POTEE: variants seen among roughly 807,000 people sequenced by gnomAD.
POTEE encodes the protein ANKRD26-like family C member 1A.
In POTEE, 21 loss-of-function variants were observed where a neutral mutation model predicts 74.2. That is an observed-to-expected ratio of 0.28 (90% CI 0.20 to 0.41). The LOEUF is 0.41. Ranked by LOEUF, POTEE falls within the 10% of genes least tolerant of loss-of-function variation. POTEE has a pLI of 1.00. For synonymous variants in POTEE, 211 were observed against 432.8 expected (o/e 0.49, Z 6.36); for missense variants, 525 against 1,158.6 (o/e 0.45, Z 7.94).
chr2:131,233,919 G>A (rs1279890888), intron 9 of POTEE, among the ~76,000 whole-genome samples: 1 of 150,928 alleles, frequency 6.6e-6, no homozygotes, highest in Non-Finnish European at 1.5e-5. Flanking sequence ...GAAGAGCAAA[G>A]AGCAGCAGGT....
chr2:131,218,279 T>C (rs1380671613), intron 3 of POTEE, 31 bp from the exon 4 acceptor site: 6 of 1,559,684 alleles, frequency 3.8e-6, no homozygotes, highest in Non-Finnish European at 5.2e-6. Flanking sequence ...TTGGCAGGTT[T>C]TGGCTGGGAT....
intron 16 of POTEE, among the ~76,000 whole-genome samples, chr2:131,258,643 A>G (rs1284648065): frequency 1.3e-5 from 2 of 151,022 alleles, no homozygotes; most frequent in Non-Finnish European, 3.0e-5. Context: ...TTTTGACTGA[A>G]TAGGTTAAAA....
chr2:131,232,799 G>C (rs1369844693), intron 9 of POTEE, among the ~76,000 whole-genome samples: 1 of 151,816 alleles, frequency 6.6e-6, no homozygotes, highest in Non-Finnish European at 1.5e-5. Context: ...TTCATGGTTG[G>C]CTAATCCGCA....
chr2:131,217,828 C>T lies in POTEE; in HGVS notation c.-94+145C>T, dbSNP rs1334121409. 2.7e-5 allele frequency among the ~76,000 whole-genome samples: 4 copies of T among 150,704 alleles called. No homozygotes were observed. The South Asian group carries it at 8.3e-4, about 31-fold the overall frequency. On this transcript the variant is annotated intron_variant, in intron 3 of 17. Coordinates refer to ENST00000683005, the MANE Select transcript of POTEE (RefSeq NM_001083538.3). ...GCTTGCTGGCTTGTAACGGCTTGCACGCGCACGCCGCACGCGCATAACGGT... is the reference window on the plus strand; with the variant it reads ...GCTTGCTGGCTTGTAACGGCTTGCATGCGCACGCCGCACGCGCATAACGGT...
chr2:131,218,211 C>T (rs1217718933), intron 3 of POTEE, 99 bp from the exon 4 acceptor site: 10 of 803,476 alleles, frequency 1.2e-5, no homozygotes, highest in South Asian at 1.9e-5. Flanking sequence ...GGGCTTTCCT[C>T]GGGTGGGTGT....
chr2:131,221,463 CTTTCTCT>C, intron 4 of POTEE, among the ~76,000 whole-genome samples: 1 of 152,146 alleles, frequency 6.6e-6, no homozygotes, highest in Middle Eastern at 3.4e-3. Context: ...AAGTTTTTCC[CTTTCTCT>C]TATCTGTGAT....
At chr2:131,255,565 G>GTTTTTTTTTTTTT (rs752323540) in intron 16 of POTEE, among the ~76,000 whole-genome samples, 2 of 13,604 alleles carry the variant, frequency 1.5e-4, no homozygotes, top group African/African-American at 4.6e-4. Flanking sequence ...CTTTCTCATA[G>GTTTTTTTTTTTTT]TTTTTTTTTT....
intron 4 of POTEE, among the ~76,000 whole-genome samples, chr2:131,219,769 A>G (rs949706327): frequency 2.6e-5 from 4 of 151,750 alleles, no homozygotes; most frequent in Admixed American, 6.6e-5. Flanking sequence ...AGCTTTTTCT[A>G]TTTATCACTT....
chr2:131,226,552 T>C (rs1700785713), intron 6 of POTEE, among the ~76,000 whole-genome samples: 2 of 146,042 alleles, frequency 1.4e-5, no homozygotes, highest in African/African-American at 5.2e-5. Flanking sequence ...CCATGCCAAA[T>C]GCTGGTTTAG....
chr2:131,263,591 C>G lies in POTEE; in HGVS notation c.2136C>G (p.Asn712Lys). 1 of 1,601,978 alleles carries G rather than the reference C, an allele frequency of 6.2e-7. No individual in the cohort carries two copies. The change falls in exon 18 of 18, where the codon AAC (asparagine) becomes AAG (lysine). Residue 712 changes from asparagine to lysine, a missense_variant. Transcript: ENST00000683005. Reference sequence around the variant, plus strand: ...ATACCGCCGTGCTCGTCATTGACAACGGCTCTGGCATGTGCAAGGCCGGCT... The same window carrying G: ...ATACCGCCGTGCTCGTCATTGACAAGGGCTCTGGCATGTGCAAGGCCGGCT... ...DDDTAVLVID[N>K]GSGMCKAGFA... is the part of the protein sequence containing the mutation.
At chr2:131,219,820 T>A (rs1327067104) in intron 4 of POTEE, among the ~76,000 whole-genome samples, 3 of 152,140 alleles carry the variant, frequency 2.0e-5, no homozygotes, top group Admixed American at 6.5e-5. Flanking sequence ...TTAGCGTTTT[T>A]AAATTACACA....
rs1466086068 is a variant in POTEE at position 131,218,758 on chromosome 2, C to T, written c.356C>T (p.Ala119Val). 3.1e-6 allele frequency: 5 copies of T among 1,612,892 alleles called. No individual in the cohort carries two copies. The highest frequency in any genetic ancestry group is 1.9e-4 in the Middle Eastern group (1 of 5,378). Residue 119 changes from alanine (A) to valine (V), a missense_variant, in exon 4 of 18, where the codon GCT (alanine) becomes GTT (valine). Coordinates refer to ENST00000683005, the MANE Select transcript of POTEE (RefSeq NM_001083538.3). Reference sequence around the variant, plus strand: ...GGGAGCGGCAAGAGCAAGGTGGGCGCTTGGGGAGACTACGATGACAGCGCC... The same window carrying T: ...GGGAGCGGCAAGAGCAAGGTGGGCGTTTGGGGAGACTACGATGACAGCGCC... ...CRGSGKSKVG[A>V]WGDYDDSAFM...
chr2:131,221,706 C>T (rs1158694375), intron 4 of POTEE, among the ~76,000 whole-genome samples: 1 of 152,152 alleles, frequency 6.6e-6, no homozygotes. Context: ...CATTTTATTA[C>T]ATAATTATCT....
chr2:131,218,298 C>A lies in POTEE; in HGVS notation c.-93-12C>A. 6.3e-7 allele frequency: 1 copy of A among 1,580,896 alleles called. No individual in the cohort carries two copies. Among genetic ancestry groups the A allele is most frequent in the South Asian group, 1.2e-5 (1 of 83,844 alleles). ...CAGGTTTTGGCTGGGATTGACATTT[C>A]TCTTCAAACAGATTGGAAACCCGGA... On this transcript the variant is annotated splice_polypyrimidine_tract_variant and intron_variant, in intron 3 of 17. Coordinates refer to ENST00000683005, the MANE Select transcript of POTEE (RefSeq NM_001083538.3).
intron 6 of POTEE, among the ~76,000 whole-genome samples, chr2:131,224,923 G>T (rs6430645): frequency 0.038 from 5,730 of 151,440 alleles, 379 homozygotes; most frequent in African/African-American, 0.13. Context: ...GATGGGAAGG[G>T]GGAAGATAAA....
intron 1 of POTEE, among the ~76,000 whole-genome samples, chr2:131,210,365 A>G (rs1285743695): frequency 6.9e-6 from 1 of 145,082 alleles, no homozygotes; most frequent in Admixed American, 6.9e-5. Flanking sequence ...CACTGCCTGC[A>G]ACTGGCACAG....
At position 131,264,875 on chromosome 2, in the gene POTEE, A is replaced by G. The variant is rs1036011621; in HGVS notation, c.*192A>G. ...GTCGGTTGGAGGAAGCTTCCTCCAA[A>G]GTTCTACAATGTTGCCAAGGACTTT... On this transcript the variant is annotated 3_prime_UTR_variant, in exon 18 of 18. Coordinates refer to ENST00000683005, the MANE Select transcript of POTEE (RefSeq NM_001083538.3). 1.6e-5 allele frequency: 16 copies of G among 1,017,874 alleles called. No individual in the cohort carries two copies. The Middle Eastern group carries it at 9.6e-4, about 61-fold the overall frequency. 63.1% of individuals were successfully genotyped at this position (1,017,874 alleles called of 1,614,324 possible).
chr2:131,226,779 A>G (rs1306061036), intron 6 of POTEE, 44 bp from the exon 7 acceptor site: 7 of 1,610,266 alleles, frequency 4.3e-6, no homozygotes, highest in African/African-American at 4.0e-5. Context: ...AGGAATATGT[A>G]CTTTTTTGAA....
rs1701871028 is a variant in POTEE at position 131,265,185 on chromosome 2, CTTTTGGT to C, written c.*503_*509del. 2 of 145,168 alleles carry C rather than the reference CTTTTGGT, an allele frequency of 1.4e-5. No individual in the cohort carries two copies. The highest frequency in any genetic ancestry group is 2.9e-5 in the Non-Finnish European group (2 of 68,398). 9.0% of individuals were successfully genotyped at this position (145,168 alleles called of 1,614,324 possible). On this transcript the variant is annotated 3_prime_UTR_variant, in exon 18 of 18. Coordinates refer to ENST00000683005, the MANE Select transcript of POTEE (RefSeq NM_001083538.3). ...TACCCCAACTTGGGGTGTATGAAGG[CTTTTGGT>C]CTCCCTGAGAGTGGCTGGAGGCAGC...
Sources: allele counts gnomAD v4.1 joint callset (sites outside exome capture counted in the v4.1 genomes callset), GRCh38; gene constraint gnomAD v4.1.1; transcripts MANE v1.5; gene names NCBI Gene and HGNC (gene_info 2026-07-23, HGNC 2026-07-21).